Variants in ASIC2 observed in about 807,000 individuals in gnomAD.
ASIC2 encodes the protein acid sensing ion channel subunit 2.
A neutral mutation model predicts 57.3 loss-of-function variants in ASIC2; 25 were observed. That is an observed-to-expected ratio of 0.44 (90% confidence interval 0.32 to 0.61). ASIC2 has a LOEUF of 0.61. ASIC2 is among the 20% of genes least tolerant of loss of function. The probability of loss-of-function intolerance (pLI) is 0.06; values close to 1 mark genes in which losing one functional copy is unlikely to be tolerated. For missense variants in ASIC2, 641 were observed against 738.1 expected, an observed-to-expected ratio of 0.87 and a Z score of 1.52; for synonymous variants, 319 against 307.5, an observed-to-expected ratio of 1.04 and a Z score of -0.39.
intron 1 of ASIC2, among the ~76,000 whole-genome samples, chr17:33,772,178 A>G (rs1911132436): frequency 6.6e-6 from 1 of 152,180 alleles, no homozygotes; most frequent in African/African-American, 2.4e-5. Flanking sequence ...CCATAAATAA[A>G]TGATCTAACT....
chr17:33,665,919 G>A (rs928421493), intron 1 of ASIC2, among the ~76,000 whole-genome samples: 3 of 152,142 alleles, frequency 2.0e-5, no homozygotes, highest in African/African-American at 7.2e-5. Flanking sequence ...CCCAGGCTGG[G>A]TTAGGGGCCC....
chr17:33,623,235 C>T (rs939447624), intron 1 of ASIC2, among the ~76,000 whole-genome samples: 4 of 76,410 alleles, frequency 5.2e-5, no homozygotes, highest in Admixed American at 1.2e-4. Flanking sequence ...CTTGTGATAT[C>T]GTTTTTTTTT....
At chr17:33,494,706 A>C (rs1282742191) in intron 1 of ASIC2, among the ~76,000 whole-genome samples, 5 of 152,174 alleles carry the variant, frequency 3.3e-5, no homozygotes, top group Admixed American at 3.3e-4. Context: ...CTGAAAACTT[A>C]AGCCTGTGAA....
intron 1 of ASIC2, chr17:33,794,593 T>A (rs929166228): frequency 2.6e-5 from 4 of 152,170 alleles, no homozygotes; most frequent in African/African-American, 9.7e-5. Flanking sequence ...GGAAATTTGA[T>A]GCTATGTCCA....
chr17:33,311,282 T>C (rs550046919), intron 1 of ASIC2, among the ~76,000 whole-genome samples: 1 of 152,318 alleles, frequency 6.6e-6, no homozygotes, highest in Admixed American at 6.5e-5. Context: ...TTGCTTAATG[T>C]TCCACATTAA....
At chr17:33,338,332 G>A (rs1200168607) in intron 1 of ASIC2, among the ~76,000 whole-genome samples, 2 of 150,828 alleles carry the variant, frequency 1.3e-5, no homozygotes, top group African/African-American at 2.4e-5. Flanking sequence ...CTCTCATGGA[G>A]TATTGGGTAA....
chr17:33,870,107 A>G (rs1914353503), intron 1 of ASIC2, among the ~76,000 whole-genome samples: 1 of 152,120 alleles, frequency 6.6e-6, no homozygotes. Flanking sequence ...CAAACACAGA[A>G]TCATATCTAA....
At chr17:33,444,664 C>T (rs1911950100) in intron 1 of ASIC2, among the ~76,000 whole-genome samples, 1 of 147,286 alleles carries the variant, frequency 6.8e-6, no homozygotes, top group Non-Finnish European at 1.5e-5. Flanking sequence ...AGGAATGGGA[C>T]TGCACTGGCC....
intron 3 of ASIC2, among the ~76,000 whole-genome samples, chr17:33,078,074 CA>C (rs1221981012): frequency 6.6e-6 from 1 of 152,116 alleles, no homozygotes; most frequent in Non-Finnish European, 1.5e-5. Flanking sequence ...TGACACTGGG[CA>C]GCAGGACCAA....
At chr17:33,875,093 T>G (rs938908042) in intron 1 of ASIC2, among the ~76,000 whole-genome samples, 2 of 152,194 alleles carry the variant, frequency 1.3e-5, no homozygotes, top group Admixed American at 6.5e-5. Context: ...AGTCCAGGAA[T>G]GCGGGAATAA....
chr17:33,696,234 G>A (rs1040452582), intron 1 of ASIC2, among the ~76,000 whole-genome samples: 4 of 152,064 alleles, frequency 2.6e-5, no homozygotes, highest in African/African-American at 9.7e-5. Context: ...ACTAAATAGC[G>A]CTGTTGTCAG....
intron 1 of ASIC2, among the ~76,000 whole-genome samples, chr17:33,496,615 T>G (rs1167458436): frequency 1.3e-5 from 1 of 79,312 alleles, no homozygotes. Flanking sequence ...TTTTTTTTTT[T>G]TTTTTTTTTT....
intron 1 of ASIC2, among the ~76,000 whole-genome samples, chr17:33,129,884 C>G (rs747686761): frequency 6.6e-6 from 1 of 152,186 alleles, no homozygotes; most frequent in Non-Finnish European, 1.5e-5. Flanking sequence ...GCTATGTAAA[C>G]TGCATGCTGT....
At chr17:33,092,792 C>T (rs542613438) in intron 2 of ASIC2, among the ~76,000 whole-genome samples, 2 of 152,300 alleles carry the variant, frequency 1.3e-5, no homozygotes, top group East Asian at 3.9e-4. Flanking sequence ...TGAATGGGGG[C>T]TGAGGGCATG....
chr17:33,563,127 C>T (rs1483418391), intron 1 of ASIC2, among the ~76,000 whole-genome samples: 1 of 152,160 alleles, frequency 6.6e-6, no homozygotes, highest in Non-Finnish European at 1.5e-5. Context: ...CCCTCTAAAG[C>T]TTAAATCTCC....
intron 1 of ASIC2, among the ~76,000 whole-genome samples, chr17:33,445,785 G>A (rs1449057119): frequency 2.9e-5 from 3 of 102,022 alleles, no homozygotes; most frequent in South Asian, 3.8e-4. Context: ...CAACAAGAGC[G>A]AAACTCCATC....
chr17:33,813,576 A>G (rs1450885754), intron 1 of ASIC2, among the ~76,000 whole-genome samples: 20 of 152,116 alleles, frequency 1.3e-4, no homozygotes, highest in Admixed American at 1.2e-3. Context: ...AGCTGGGACT[A>G]CAGGCGCCCG....
intron 1 of ASIC2, among the ~76,000 whole-genome samples, chr17:33,617,029 T>A (rs1372238991): frequency 6.6e-6 from 1 of 152,232 alleles, no homozygotes; most frequent in Non-Finnish European, 1.5e-5. Flanking sequence ...TACATTCCTG[T>A]TTAAAACATT....
At chr17:33,831,153 A>G (rs1438560961) in intron 1 of ASIC2, among the ~76,000 whole-genome samples, 1 of 140,334 alleles carries the variant, frequency 7.1e-6, no homozygotes, top group Non-Finnish European at 1.5e-5. Context: ...GCAAGTCCTT[A>G]CAAATTTGGC....
Sources: gnomAD v4.1 joint callset for allele counts (sites outside exome capture counted in the v4.1 genomes callset) on GRCh38, gnomAD v4.1.1 for gene constraint, MANE v1.5 for transcripts, NCBI Gene and HGNC (gene_info 2026-07-23, HGNC 2026-07-21) for gene names.